Variants in PRR14L observed in about 807,000 individuals in gnomAD.
The protein encoded by PRR14L is proline rich 14 like, also known as protein PRR14L.
A neutral mutation model predicts 155.0 loss-of-function variants in PRR14L; 80 were observed. The observed-to-expected ratio is 0.52, with a 90% CI of 0.43 to 0.62. The LOEUF is 0.62. Ranked by LOEUF, PRR14L falls within the 20% of genes least tolerant of loss-of-function variation. PRR14L has a pLI of 0.00. For missense variants in PRR14L, 2,469 were observed against 2,548.0 expected (o/e 0.97, Z 0.67); for synonymous variants, 883 against 916.0 (o/e 0.96, Z 0.65).
At position 31,713,251 on chromosome 22, in the gene PRR14L, A is replaced by C; in HGVS notation, c.4588T>G (p.Ser1530Ala). The change falls in exon 4 of 9, where the codon TCC becomes GCC. Residue 1530 changes from serine (S) to alanine (A), a missense_variant. Around this residue, in one of 2 missense-constraint regions of PRR14L, gnomAD observed 2,363 missense variants for 2,371.6 expected, o/e 1.00. Coordinates refer to ENST00000327423, the MANE Select transcript of PRR14L (RefSeq NM_173566.3). ...CCAACAATGATTTGCTCCTGATAGG[A>C]AACTTTCTTACAAGTTCGATGGGGC... ...KQPHRTCKKV[S>A]YQEQIIVGRK... 2 of 1,552,094 alleles carry C rather than the reference A, an allele frequency of 1.3e-6. No individual in the cohort carries two copies. Among genetic ancestry groups the C allele is most frequent in the African/African-American group, 1.4e-5 (1 of 73,158 alleles).
intron 1 of PRR14L, among the ~76,000 whole-genome samples, chr22:31,745,600 C>G (rs2074833258): frequency 6.6e-6 from 1 of 151,604 alleles, no homozygotes; most frequent in Non-Finnish European, 1.5e-5. Context: ...AATACCAGCA[C>G]TTTGGGAGGC....
rs2074476429 is a variant in PRR14L, at chr22:31,685,193, C to T, written c.*334G>A. The T allele has an allele frequency of 4.4e-6, 1 of 228,156 alleles. No individual in the cohort carries two copies. The highest frequency in any genetic ancestry group is 8.7e-6 in the Non-Finnish European group (1 of 115,476). The allele number at this position is 228,156 out of a possible 1,614,324, so 14.1% of individuals were successfully genotyped here. On this transcript the variant is annotated 3_prime_UTR_variant, in exon 9 of 9. Coordinates refer to ENST00000327423, the MANE Select transcript of PRR14L (RefSeq NM_173566.3). ...TGCAAATCCTGTGTGTCCTTGGAAT[C>T]CTAGTGTTACTGAAGATAGGCTGCT...
At chr22:31,704,628 C>A (rs764475089) in intron 5 of PRR14L, 27 bp downstream of exon 5, 3 of 1,598,752 alleles carry the variant, frequency 1.9e-6, no homozygotes, top group Admixed American at 1.7e-5. Context: ...CACACGCGCA[C>A]ACACACGCTG....
chr22:31,702,670 C>G (rs1309162840), intron 6 of PRR14L, among the ~76,000 whole-genome samples: 1 of 152,048 alleles, frequency 6.6e-6, no homozygotes, highest in African/African-American at 2.4e-5. Context: ...AATGTGCCAC[C>G]ACATTTGGCT....
At chr22:31,744,518 C>T (rs1336369339) in intron 1 of PRR14L, among the ~76,000 whole-genome samples, 1 of 152,164 alleles carries the variant, frequency 6.6e-6, no homozygotes, top group Non-Finnish European at 1.5e-5. Context: ...GCAATCCTCC[C>T]ACCTCAGCCT....
intron 2 of PRR14L, among the ~76,000 whole-genome samples, chr22:31,730,896 G>A (rs1342990781): frequency 6.6e-6 from 1 of 152,106 alleles, no homozygotes; most frequent in Admixed American, 6.6e-5. Flanking sequence ...GGGCTCATGG[G>A]TATTTGTCTT....
Position 31,714,433 on chromosome 22 carries a change from C to A in PRR14L, c.3406G>T (p.Val1136Leu). The A allele has an allele frequency of 1.3e-6, 2 of 1,551,596 alleles. No individual in the cohort carries two copies. The highest frequency in any genetic ancestry group is 1.7e-6 in the Non-Finnish European group (2 of 1,146,942). The change falls in exon 4 of 9, where the codon GTA becomes TTA. Residue 1136 changes from valine (V) to leucine (L), a missense_variant. Physicochemically the swap from Val to Leu is conservative, Grantham distance 32. Coordinates refer to ENST00000327423, the MANE Select transcript of PRR14L (RefSeq NM_173566.3). ...LKIKKSCEEN[V>L]CRSLKDCEME... ...TCACAGTCTTTTAAAGATCTGCATACGTTTTCTTCACATGATTTTTTTATT... is the reference window on the plus strand; with the variant it reads ...TCACAGTCTTTTAAAGATCTGCATAAGTTTTCTTCACATGATTTTTTTATT...
At chr22:31,737,886 ATACCATAAT>A (rs1377951954) in intron 2 of PRR14L, among the ~76,000 whole-genome samples, 1 of 151,990 alleles carries the variant, frequency 6.6e-6, no homozygotes, top group Admixed American at 6.6e-5. Flanking sequence ...ATGGTGGCTT[ATACCATAAT>A]CACAGCTAAT....
At chr22:31,689,077 T>A (rs906883679) in intron 7 of PRR14L, among the ~76,000 whole-genome samples, 1 of 152,246 alleles carries the variant, frequency 6.6e-6, no homozygotes, top group Non-Finnish European at 1.5e-5. Context: ...CCAATGGTTT[T>A]AAATTTTTTA....
intron 4 of PRR14L, 122 bp from the exon 5 acceptor site, chr22:31,704,848 C>T: frequency 1.5e-6 from 1 of 655,964 alleles, no homozygotes; most frequent in East Asian, 2.8e-5. Context: ...GTCAGTTACT[C>T]AGAAAGAGGA....
At chr22:31,711,260 G>T (rs532774236) in intron 4 of PRR14L, among the ~76,000 whole-genome samples, 2 of 152,074 alleles carry the variant, frequency 1.3e-5, no homozygotes, top group Non-Finnish European at 2.9e-5. Context: ...ATCACCGGAC[G>T]CCAGGAGTTC....
rs1569496826 is a variant in PRR14L at position 31,684,499 on chromosome 22, C to T, written c.*1028G>A. The T allele has an allele frequency of 6.6e-6, 1 of 152,184 alleles. No homozygotes were observed. The highest frequency in any genetic ancestry group is 6.6e-5 in the Admixed American group (1 of 15,264). The allele number at this position is 152,184 out of a possible 1,614,324, so 9.4% of individuals were successfully genotyped here. On this transcript the variant is annotated 3_prime_UTR_variant, in exon 9 of 9. Coordinates refer to ENST00000327423, the MANE Select transcript of PRR14L (RefSeq NM_173566.3). ...TAAAAACCATTAAGACCACACCCAACCATAGTAGTTTTTCAATGATCGGGA... is the reference window on the plus strand; with the variant it reads ...TAAAAACCATTAAGACCACACCCAATCATAGTAGTTTTTCAATGATCGGGA...
intron 4 of PRR14L, among the ~76,000 whole-genome samples, chr22:31,708,161 A>C (rs910372277): frequency 6.6e-6 from 1 of 151,988 alleles, no homozygotes; most frequent in African/African-American, 2.4e-5. Context: ...GGAAAAAAAA[A>C]CAACAAAAAC....
chr22:31,700,990 A>ATTT (rs997276060), intron 7 of PRR14L, among the ~76,000 whole-genome samples: 1 of 139,594 alleles, frequency 7.2e-6, no homozygotes, highest in Non-Finnish European at 1.6e-5. Flanking sequence ...AAGTTTGGCG[A>ATTT]TTTTTTTTTT....
At chr22:31,747,453 G>A (rs2147880553) in intron 1 of PRR14L, among the ~76,000 whole-genome samples, 1 of 150,090 alleles carries the variant, frequency 6.7e-6, no homozygotes, top group Non-Finnish European at 1.5e-5. Context: ...TCATCAGGAA[G>A]CCAGGGTCCC....
chr22:31,713,519 C>A lies in PRR14L; in HGVS notation c.4320G>T (p.Glu1440Asp). Residue 1440 changes from glutamate to aspartate, a missense_variant, in exon 4 of 9, where the codon GAG becomes GAT. Physicochemically the swap from Glu to Asp is conservative, Grantham distance 45. Transcript: ENST00000327423. The stretch of plus-strand genomic sequence containing the variant: ...GGGTGATTTCATTGATCATGGTGGA[C>A]TCATCTTTGTCAGCCTTCGGTTGGT... ...NQNQPKADKD[E>D]STMINEITLA... The A allele has an allele frequency of 6.4e-7, 1 of 1,552,098 alleles. No homozygotes were observed. Among genetic ancestry groups the A allele is most frequent in the East Asian group, 2.4e-5 (1 of 40,928 alleles).
rs2074471640 is a variant in PRR14L, at chr22:31,684,429, G to A, written c.*1098C>T. The A allele has an allele frequency of 6.6e-6, 1 of 152,190 alleles. No homozygotes were observed. Among genetic ancestry groups the A allele is most frequent in the African/African-American group, 2.4e-5 (1 of 41,434 alleles). 9.4% of individuals were successfully genotyped at this position (152,190 alleles called of 1,614,324 possible). A position where few individuals can be genotyped will look rare whatever the true frequency, so the allele number is the denominator to read the frequency against. The stretch of plus-strand genomic sequence containing the variant: ...ATACTGTGGGTCAGCCTGTATCACT[G>A]CCCAAGCCGTTGTACTCAATTTTGT... On this transcript the variant is annotated 3_prime_UTR_variant, in exon 9 of 9. Transcript: ENST00000327423.
At position 31,738,765 on chromosome 22, in the gene PRR14L, G is replaced by C. The variant is rs2147876248; in HGVS notation, c.96C>G (p.Val32=). Residue 32 remains valine (V), a synonymous_variant, in exon 2 of 9, where the codon GTC becomes GTG. Transcript: ENST00000327423. ...CAGGGTCAGCATGAAGCTCTCTGGA[G>C]ACACTTACTGGGAGTTCAGAGTATA... ...QELYSELPVS[V]SRELHADPEP... is the part of the protein sequence containing the mutation. 1 of 1,551,904 alleles carries C rather than the reference G, an allele frequency of 6.4e-7. No individual in the cohort carries two copies. Among genetic ancestry groups the C allele is most frequent in the Non-Finnish European group, 8.7e-7 (1 of 1,147,028 alleles).
At position 31,712,176 on chromosome 22, in the gene PRR14L, C is replaced by G. The variant is rs757840738; in HGVS notation, c.5663G>C (p.Trp1888Ser). The G allele has an allele frequency of 6.2e-7, 1 of 1,613,948 alleles. No homozygotes were observed. Among genetic ancestry groups the G allele is most frequent in the Non-Finnish European group, 8.5e-7 (1 of 1,179,992 alleles). ...GCAGACAGAAGGACCATGCTGGCTCCAAATGGATAGGACTCTGCCCACCGA... is the reference window on the plus strand; with the variant it reads ...GCAGACAGAAGGACCATGCTGGCTCGAAATGGATAGGACTCTGCCCACCGA... The part of the protein sequence containing the change: ...PYSVGRVLSI[W>S]SQHGPSVCSF... The change falls in exon 4 of 9, where the codon TGG becomes TCG. Residue 1888 changes from tryptophan to serine, a missense_variant. By Grantham distance (177) the Trp-to-Ser change is radical. Transcript: ENST00000327423.
Sources: gnomAD v4.1 joint callset for allele counts (sites outside exome capture counted in the v4.1 genomes callset) on GRCh38, gnomAD v4.1.1 for gene constraint, gnomAD v4.1.1 regional missense constraint, MANE v1.5 for transcripts, NCBI Gene and HGNC (gene_info 2026-07-23, HGNC 2026-07-21) for gene names.